GFM1: variants seen among roughly 807,000 people sequenced by gnomAD.
The protein encoded by GFM1 is elongation factor G, mitochondrial.
GFM1 carries 62 observed loss-of-function variants against 96.2 expected under a neutral mutation model. That is an observed-to-expected ratio of 0.64 (90% CI 0.53 to 0.80). The LOEUF is 0.80. GFM1 is among the 30% of genes least tolerant of loss of function. GFM1 has a pLI of 0.00. For missense variants in GFM1, 852 were observed against 916.6 expected (o/e 0.93, Z 0.91); for synonymous variants, 282 against 312.9 (o/e 0.90, Z 1.04).
chr3:158,656,493 G>C (rs1375202951), intron 8 of GFM1: 1 of 152,424 alleles, frequency 6.6e-6, no homozygotes, highest in Non-Finnish European at 1.5e-5. Flanking sequence ...ACCACACCTG[G>C]CTGAGATAGT....
At chr3:158,653,135 A>G (rs1172329952) in intron 6 of GFM1, among the ~76,000 whole-genome samples, 175 bp from the exon 7 acceptor site, 1 of 151,938 alleles carries the variant, frequency 6.6e-6, no homozygotes, top group Non-Finnish European at 1.5e-5. Flanking sequence ...GAAGAAAGTG[A>G]TTTTTTTCTT....
chr3:158,690,409 A>G, intron 16 of GFM1, 86 bp downstream of exon 16: 1 of 1,289,712 alleles, frequency 7.8e-7, no homozygotes. Flanking sequence ...AAATGGACAC[A>G]TTTCCTTGCT....
intron 16 of GFM1, among the ~76,000 whole-genome samples, chr3:158,690,805 C>T (rs949665637): frequency 6.6e-6 from 1 of 152,128 alleles, no homozygotes; most frequent in Non-Finnish European, 1.5e-5. Context: ...AAAGGAAAGT[C>T]GTATTCACAT....
Position 158,644,573 on chromosome 3 carries a change from G to T in GFM1, c.-62G>T. On this transcript the variant is annotated 5_prime_UTR_variant, in exon 1 of 18. Transcript: ENST00000486715. The stretch of plus-strand genomic sequence containing the variant: ...GGCGTGACTTTGACCGCTTCCCGGT[G>T]CGTTACCGGCAGCTGAACCCACCCG... 7.2e-7 allele frequency: 1 copy of T among 1,379,842 alleles called. No homozygotes were observed. The highest frequency in any genetic ancestry group is 2.0e-5 in the Admixed American group (1 of 50,554). 85.5% of individuals were successfully genotyped at this position (1,379,842 alleles called of 1,614,324 possible). A position where few individuals can be genotyped will look rare whatever the true frequency, so the allele number is the denominator to read the frequency against.
In GFM1 at chr3:158,668,094, G is replaced by A. The variant is rs1723886992; in HGVS notation, c.1601+1708G>A. Among the ~76,000 whole-genome samples the A allele has an allele frequency of 2.0e-5, 3 of 152,154 alleles. No individual in the cohort carries two copies. In the South Asian group the frequency reaches 6.2e-4, roughly 31 times the overall value. ...TGGCCCTGAGGATCTCTATAGAGCA[G>A]ATTAAAGGTGAGGAGAGTCATTACA... On this transcript the variant is annotated intron_variant, in intron 13 of 17. Coordinates refer to ENST00000486715, the MANE Select transcript of GFM1 (RefSeq NM_024996.7).
chr3:158,667,523 C>T (rs1401183029), intron 13 of GFM1, among the ~76,000 whole-genome samples: 1 of 152,228 alleles, frequency 6.6e-6, no homozygotes, highest in Non-Finnish European at 1.5e-5. Context: ...CAGTGGCTCA[C>T]ACCTATAATC....
chr3:158,647,473 A>G (rs1283301887), intron 4 of GFM1, among the ~76,000 whole-genome samples: 1 of 152,222 alleles, frequency 6.6e-6, no homozygotes, highest in Admixed American at 6.5e-5. Context: ...AATATTATAT[A>G]TTTCACAAAG....
Position 158,677,124 on chromosome 3 carries a change from T to C in GFM1, c.1602-4871T>C, listed in dbSNP as rs140539647. Among the ~76,000 whole-genome samples the C allele has an allele frequency of 3.8e-3, 575 of 152,354 alleles. 3 individuals carry two copies. Among genetic ancestry groups the C allele is most frequent in the African/African-American group, 0.013 (532 of 41,584 alleles). Reference sequence around the variant, plus strand: ...TGTTATGGTGATCTGTGATTGGTGATTTCTGATGTTATTGTAATTTATTTT... The same window carrying C: ...TGTTATGGTGATCTGTGATTGGTGACTTCTGATGTTATTGTAATTTATTTT... On this transcript the variant is annotated intron_variant, in intron 13 of 17. Transcript: ENST00000486715.
At chr3:158,657,792 GATTTGTCATGTT>G (rs1722884482) in intron 8 of GFM1, among the ~76,000 whole-genome samples, 1 of 151,732 alleles carries the variant, frequency 6.6e-6, no homozygotes, top group Non-Finnish European at 1.5e-5. Context: ...CTTTTCCATT[GATTTGTCATGTT>G]TCTTTATCAT....
chr3:158,650,437 A>C lies in GFM1; in HGVS notation c.689+1280A>C. The C allele has an allele frequency of 1.4e-5, 3 of 212,456 alleles. No individual in the cohort carries two copies. In the South Asian group the frequency reaches 2.3e-4, roughly 17 times the overall value. 13.2% of individuals were successfully genotyped at this position (212,456 alleles called of 1,614,324 possible). On this transcript the variant is annotated intron_variant, in intron 5 of 17. Transcript: ENST00000486715. ...TGTTGTCAGAAGTAGAGACTCTTAAACTTTGTTGTACATCAGAACCACAGA... is the reference window on the plus strand; with the variant it reads ...TGTTGTCAGAAGTAGAGACTCTTAACCTTTGTTGTACATCAGAACCACAGA...
intron 13 of GFM1, among the ~76,000 whole-genome samples, chr3:158,668,335 C>T (rs978099363): frequency 5.3e-5 from 8 of 151,936 alleles, no homozygotes; most frequent in African/African-American, 1.2e-4. Context: ...GGAATCATGA[C>T]GAGAAAAAAA....
chr3:158,672,320 C>G lies in GFM1; in HGVS notation c.1601+5934C>G, dbSNP rs370506539. 9 of 1,611,678 alleles carry G rather than the reference C, an allele frequency of 5.6e-6. No individual in the cohort carries two copies. The African/African-American group carries it at 1.2e-4, about 22-fold the overall frequency. On this transcript the variant is annotated intron_variant, in intron 13 of 17. Transcript: ENST00000486715. ...TGGAGGGAGCGCAATCCTGAAGCCTCTGCTGTCCACCACCCCCTGCTAAAC... is the reference window on the plus strand; with the variant it reads ...TGGAGGGAGCGCAATCCTGAAGCCTGTGCTGTCCACCACCCCCTGCTAAAC...
chr3:158,646,101 A>G (rs1401095277), intron 2 of GFM1, 64 bp from the exon 3 acceptor site: 1 of 1,601,932 alleles, frequency 6.2e-7, no homozygotes, highest in South Asian at 1.1e-5. Flanking sequence ...CATTTCAGTT[A>G]AGATTTCTTT....
chr3:158,687,985 G>A (rs549114292), intron 15 of GFM1, among the ~76,000 whole-genome samples: 1 of 152,062 alleles, frequency 6.6e-6, no homozygotes, highest in East Asian at 1.9e-4. Flanking sequence ...CAGTGAAAAT[G>A]TTGGTAAATG....
At chr3:158,676,665 A>C (rs1305608633) in intron 13 of GFM1, among the ~76,000 whole-genome samples, 1 of 151,322 alleles carries the variant, frequency 6.6e-6, no homozygotes, top group East Asian at 1.9e-4. Flanking sequence ...TGATAACCCC[A>C]TGTGGAACAA....
chr3:158,658,812 T>G, intron 8 of GFM1, 110 bp from the exon 9 acceptor site: 2 of 1,123,212 alleles, frequency 1.8e-6, no homozygotes, highest in Non-Finnish European at 2.7e-6. Flanking sequence ...GTAAGATAGA[T>G]TACTAAAATT....
chr3:158,678,059 C>T (rs1725051419), intron 13 of GFM1, among the ~76,000 whole-genome samples: 2 of 152,146 alleles, frequency 1.3e-5, no homozygotes, highest in African/African-American at 4.8e-5. Context: ...ATAACAAAGC[C>T]TGGATGACAG....
At chr3:158,668,610 G>A (rs1336068093) in intron 13 of GFM1, among the ~76,000 whole-genome samples, 1 of 152,338 alleles carries the variant, frequency 6.6e-6, no homozygotes, top group East Asian at 1.9e-4. Context: ...TTTTGAAAGT[G>A]CAGTCTAGAT....
intron 13 of GFM1, among the ~76,000 whole-genome samples, chr3:158,680,594 A>G (rs1725290876): frequency 1.3e-5 from 2 of 152,140 alleles, no homozygotes; most frequent in African/African-American, 4.8e-5. Context: ...TTGGTTTTAG[A>G]GCAAATCCTG....
Sources: allele counts gnomAD v4.1 joint callset (sites outside exome capture counted in the v4.1 genomes callset), GRCh38; gene constraint gnomAD v4.1.1; transcripts MANE v1.5; gene names NCBI Gene and HGNC (gene_info 2026-07-23, HGNC 2026-07-21).